The following SHPRH variants were observed in gnomAD, a reference collection of about 807,000 sequenced individuals.
The protein encoded by SHPRH is E3 ubiquitin-protein ligase SHPRH.
A neutral mutation model predicts 202.5 loss-of-function variants in SHPRH; 106 were observed. That is an observed-to-expected ratio of 0.52 (90% CI 0.45 to 0.62). SHPRH has a LOEUF of 0.62. SHPRH is among the 20% of genes least tolerant of loss of function. The pLI is 0.00. For missense variants in SHPRH, 1,710 were observed against 2,020.0 expected, an observed-to-expected ratio of 0.85 and a Z score of 2.94; for synonymous variants, 729 against 686.0, an observed-to-expected ratio of 1.06 and a Z score of -0.98.
chr6:145,943,818 T>C lies in SHPRH; in HGVS notation c.1579-16A>G. The C allele has an allele frequency of 6.5e-7, 1 of 1,540,746 alleles. No homozygotes were observed. The highest frequency in any genetic ancestry group is 8.7e-7 in the Non-Finnish European group (1 of 1,150,988). On this transcript the variant is annotated splice_polypyrimidine_tract_variant and intron_variant, in intron 8 of 29. Coordinates refer to ENST00000275233, the MANE Select transcript of SHPRH (RefSeq NM_001042683.3). The stretch of plus-strand genomic sequence containing the variant: ...TCCCTACTGCCTATGAAAAAAATAT[T>C]TAATTAATTGATTGCAACTAGTTGC...
the SHPRH span, among the ~76,000 whole-genome samples, chr6:145,858,261 T>G: frequency 1.0e-2 from 1,517 of 152,260 alleles, 24 homozygotes; most frequent in African/African-American, 0.034. Flanking sequence ...GACTTATTCA[T>G]GTATGCTCAT....
chr6:145,941,050 G>T (rs1330901988), intron 10 of SHPRH, among the ~76,000 whole-genome samples: 1 of 152,106 alleles, frequency 6.6e-6, no homozygotes, highest in Non-Finnish European at 1.5e-5. Context: ...GTTCAAATAC[G>T]TACAAAATGA....
intron 15 of SHPRH, among the ~76,000 whole-genome samples, chr6:145,926,812 AT>A (rs1310109196): frequency 1.3e-5 from 2 of 151,954 alleles, no homozygotes; most frequent in Non-Finnish European, 2.9e-5. Context: ...AAAAATTATC[AT>A]TAGATAGATT....
At chr6:145,904,323 GAAC>G (rs778307852) in intron 25 of SHPRH, 5 of 151,642 alleles carry the variant, frequency 3.3e-5, no homozygotes, top group Non-Finnish European at 7.4e-5. Context: ...GCTTGTTAAA[GAAC>G]AACGATTTGA....
chr6:145,940,695 T>G (rs375035739), intron 11 of SHPRH, 28 bp downstream of exon 11: 1 of 1,607,546 alleles, frequency 6.2e-7, no homozygotes, highest in South Asian at 1.1e-5. Flanking sequence ...TTCAAATGCA[T>G]GCAATATGTG....
Position 145,929,577 on chromosome 6 carries a change from A to T in SHPRH, c.3113-2300T>A, listed in dbSNP as rs80305280. ...TGTTTAACACATTACTATGAAGTTA[A>T]TAAAAACTAAAAGCAGCAAATCTAT... On this transcript the variant is annotated intron_variant, in intron 14 of 29. Coordinates refer to ENST00000275233, the MANE Select transcript of SHPRH (RefSeq NM_001042683.3). Among the ~76,000 whole-genome samples, 35 of 152,208 alleles carry T rather than the reference A, an allele frequency of 2.3e-4. No individual in the cohort carries two copies. In the East Asian group the frequency reaches 4.4e-3, roughly 19 times the overall value.
Position 145,955,055 on chromosome 6 carries a change from C to G in SHPRH, c.268G>C (p.Gly90Arg), listed in dbSNP as rs748707603. 8 of 1,612,896 alleles carry G rather than the reference C, an allele frequency of 5.0e-6. No individual in the cohort carries two copies. Among genetic ancestry groups the G allele is most frequent in the Non-Finnish European group, 5.9e-6 (7 of 1,179,892 alleles). ...SKPIEKEETV[G>R]IFSPLSVKLN... The stretch of plus-strand genomic sequence containing the variant: ...TTTACAGACAAAGGGGAAAAAATAC[C>G]AACAGTCTCTTCTTTTTCAATTGGT... Residue 90 changes from glycine to arginine, a missense_variant, in exon 2 of 30, where the codon GGT becomes CGT. By Grantham distance (125) the Gly-to-Arg change is moderately radical. Around this residue, in one of 8 missense-constraint regions of SHPRH, gnomAD observed 459 missense variants for 426.5 expected, o/e 1.08. Transcript: ENST00000275233.
At chr6:145,922,578 C>T in intron 19 of SHPRH, 85 bp downstream of exon 19, 1 of 1,461,802 alleles carries the variant, frequency 6.8e-7, no homozygotes. Flanking sequence ...AAAACCTTTA[C>T]TATATGAGTC....
Position 145,940,729 on chromosome 6 carries a change from A to T in SHPRH, c.2563T>A (p.Leu855Ile). The change falls in exon 11 of 30, where the codon TTA becomes ATA. Residue 855 changes from leucine (L) to isoleucine (I), a missense_variant. Transcript: ENST00000275233. The part of the protein sequence containing the change: ...CISGTPVQRG[L>I]EDLFGLVVFL... ...TGAGGAAACCATACATTACCCTCTA[A>T]TCCTCTCTGTACTGGAGTGCCACTG... 6.2e-7 allele frequency: 1 copy of T among 1,613,522 alleles called. No individual in the cohort carries two copies. Among genetic ancestry groups the T allele is most frequent in the South Asian group, 1.1e-5 (1 of 91,058 alleles).
Position 145,912,798 on chromosome 6 carries a change from C to T in SHPRH, c.4326+680G>A, listed in dbSNP as rs149223279. Among the ~76,000 whole-genome samples the T allele has an allele frequency of 3.9e-5, 6 of 152,144 alleles. No homozygotes were observed. The East Asian group carries it at 1.2e-3, about 29-fold the overall frequency. Reference sequence around the variant, plus strand: ...AAAACAGCCAAGACTATTTCTACTTCTTCAACAGTAATAGGCTTATCTTTC... The same window carrying T: ...AAAACAGCCAAGACTATTTCTACTTTTTCAACAGTAATAGGCTTATCTTTC... On this transcript the variant is annotated intron_variant, in intron 24 of 29. Transcript: ENST00000275233.
At chr6:145,871,897 C>G (rs1780073019) in intron 2 of SHPRH, among the ~76,000 whole-genome samples, 1 of 152,070 alleles carries the variant, frequency 6.6e-6, no homozygotes, top group African/African-American at 2.4e-5. Flanking sequence ...AGACTGCACA[C>G]CTACAACTGT....
intron 2 of SHPRH, chr6:145,878,014 C>A (rs1292484862): frequency 6.6e-6 from 1 of 152,190 alleles, no homozygotes; most frequent in African/African-American, 2.4e-5. Context: ...CTCAGGACCA[C>A]CTGAGGGCTG....
intron 17 of SHPRH, among the ~76,000 whole-genome samples, chr6:145,924,381 A>G (rs1784685686): frequency 6.6e-6 from 1 of 152,014 alleles, no homozygotes; most frequent in Non-Finnish European, 1.5e-5. Context: ...TCTGCAGGAA[A>G]AATACCTGTG....
intron 25 of SHPRH, among the ~76,000 whole-genome samples, chr6:145,901,201 T>G (rs1583335906): frequency 1.3e-5 from 2 of 152,200 alleles, no homozygotes; most frequent in African/African-American, 4.8e-5. Context: ...CTCTAACGCG[T>G]GTTGCAGAAT....
At chr6:145,929,682 A>C (rs184003327) in intron 14 of SHPRH, among the ~76,000 whole-genome samples, 1 of 152,208 alleles carries the variant, frequency 6.6e-6, no homozygotes, top group East Asian at 1.9e-4. Context: ...TTCTCTTAAT[A>C]ATCAACAATA....
Position 145,947,541 on chromosome 6 carries a change from C to T in SHPRH, c.1164G>A (p.Leu388=), listed in dbSNP as rs765842646. The T allele has an allele frequency of 3.7e-6, 6 of 1,612,936 alleles. No individual in the cohort carries two copies. Among genetic ancestry groups the T allele is most frequent in the Admixed American group, 1.7e-5 (1 of 59,866 alleles). The part of the protein sequence containing the change: ...GKTVEVLALI[L]THTRQDVKQD... ...GCTTGACATCTTGTCGAGTATGTGT[C>T]AGAATCAGAGCCAAAACCTCCACTG... Residue 388 remains leucine, a synonymous_variant, in exon 6 of 30, where the codon CTG becomes CTA. Transcript: ENST00000275233.
downstream of SHPRH, chr6:145,884,639 T>G (rs960581618): frequency 6.6e-6 from 1 of 152,154 alleles, no homozygotes; most frequent in African/African-American, 2.4e-5. Context: ...AGGATCAGAT[T>G]TGTACTTGTT....
chr6:145,869,923 TC>T (rs1779979284), intron 2 of SHPRH, among the ~76,000 whole-genome samples: 2 of 151,834 alleles, frequency 1.3e-5, no homozygotes, highest in South Asian at 4.2e-4. Context: ...AGCCTATAGA[TC>T]AGGTTGGGAA....
At chr6:145,906,645 C>A (rs1250106202) in intron 25 of SHPRH, 1 of 151,950 alleles carries the variant, frequency 6.6e-6, no homozygotes, top group Non-Finnish European at 1.5e-5. Flanking sequence ...AGAACAACAA[C>A]AAAAAAGTGA....
Sources: allele counts gnomAD v4.1 joint callset (sites outside exome capture counted in the v4.1 genomes callset), GRCh38; gene constraint gnomAD v4.1.1; regional missense constraint gnomAD v4.1.1; transcripts MANE v1.5; gene names NCBI Gene and HGNC (gene_info 2026-07-23, HGNC 2026-07-21).